The following SLC4A10 variants were observed in gnomAD, a reference collection of about 807,000 sequenced individuals.
SLC4A10 encodes the protein solute carrier family 4 member 10.
In SLC4A10, 42 loss-of-function variants were observed where a neutral mutation model predicts 137.7. That is an observed-to-expected ratio of 0.30 (90% CI 0.24 to 0.39). The LOEUF (loss-of-function observed/expected upper bound fraction) is 0.39, where lower values mean the gene tolerates loss of function less well. Among genes scored for constraint, SLC4A10 ranks in the 10% least tolerant of loss-of-function variants. SLC4A10 has a pLI of 1.00. For missense variants in SLC4A10, 925 were observed against 1,355.0 expected (o/e 0.68, Z 4.98); for synonymous variants, 474 against 464.1 (o/e 1.02, Z -0.27).
At chr2:161,921,347 T>C (rs1233766538) in intron 15 of SLC4A10, among the ~76,000 whole-genome samples, 1 of 152,124 alleles carries the variant, frequency 6.6e-6, no homozygotes, top group Non-Finnish European at 1.5e-5. Flanking sequence ...AAAGTTCTAA[T>C]AAGTTTTATC....
intron 2 of SLC4A10, among the ~76,000 whole-genome samples, chr2:161,794,609 C>G (rs556992222): frequency 1.6e-4 from 24 of 152,172 alleles, no homozygotes; most frequent in African/African-American, 5.8e-4. Context: ...GTAAATTGAT[C>G]AGTTCACATT....
chr2:161,671,253 C>G (rs1165236175), intron 1 of SLC4A10, among the ~76,000 whole-genome samples: 1 of 152,072 alleles, frequency 6.6e-6, no homozygotes, highest in Non-Finnish European at 1.5e-5. Flanking sequence ...TTCATCCCCT[C>G]TAGAGGATGA....
chr2:161,815,798 C>T (rs1175803616), intron 3 of SLC4A10, among the ~76,000 whole-genome samples: 1 of 152,092 alleles, frequency 6.6e-6, no homozygotes, highest in Admixed American at 6.6e-5. Context: ...AAGCTTCTGC[C>T]TCTCAATTTG....
chr2:161,741,638 T>C (rs1188116512), intron 1 of SLC4A10, among the ~76,000 whole-genome samples: 1 of 152,214 alleles, frequency 6.6e-6, no homozygotes, highest in Non-Finnish European at 1.5e-5. Context: ...TTCATCTGTG[T>C]TGTCACAAAT....
intron 13 of SLC4A10, 141 bp downstream of exon 13, chr2:161,904,319 T>C (rs1683822422): frequency 2.3e-6 from 2 of 880,516 alleles, no homozygotes; most frequent in Non-Finnish European, 3.3e-6. Context: ...TATATGAATT[T>C]CCTGGATGGC....
chr2:161,754,902 A>C (rs1307077124), intron 1 of SLC4A10, among the ~76,000 whole-genome samples: 1 of 152,158 alleles, frequency 6.6e-6, no homozygotes, highest in African/African-American at 2.4e-5. Flanking sequence ...TTACAAATGC[A>C]ACTACTACCT....
intron 10 of SLC4A10, among the ~76,000 whole-genome samples, chr2:161,890,571 G>A (rs574272715): frequency 3.9e-5 from 6 of 152,016 alleles, no homozygotes; most frequent in African/African-American, 9.6e-5. Context: ...TTTGATATTC[G>A]TTGGTTTAAA....
intron 1 of SLC4A10, among the ~76,000 whole-genome samples, chr2:161,736,796 G>C (rs2047390423): frequency 6.6e-6 from 1 of 152,032 alleles, no homozygotes; most frequent in East Asian, 1.9e-4. Flanking sequence ...ACAATTGTAA[G>C]AGTTTCTAGT....
chr2:161,679,405 G>A (rs186613092), intron 1 of SLC4A10, among the ~76,000 whole-genome samples: 518 of 152,120 alleles, frequency 3.4e-3, no homozygotes, highest in African/African-American at 0.011. Flanking sequence ...GGATACAAAA[G>A]GTAAAGTGAA....
At chr2:161,954,858 T>G (rs1410950381) in intron 19 of SLC4A10, among the ~76,000 whole-genome samples, 2 of 152,250 alleles carry the variant, frequency 1.3e-5, no homozygotes, top group Non-Finnish European at 2.9e-5. Context: ...ATTTGTATCA[T>G]ATTTTTAAAA....
intron 1 of SLC4A10, among the ~76,000 whole-genome samples, chr2:161,673,717 C>A (rs2039982032): frequency 6.6e-6 from 1 of 152,154 alleles, no homozygotes; most frequent in Non-Finnish European, 1.5e-5. Flanking sequence ...TGGCTGGGCA[C>A]AGTGGCTTTC....
At position 161,947,640 on chromosome 2, in the gene SLC4A10, A is replaced by C. The variant is rs764062542; in HGVS notation, c.2178A>C (p.Leu726=). 1 of 1,613,134 alleles carries C rather than the reference A, an allele frequency of 6.2e-7. No homozygotes were observed. Among genetic ancestry groups the C allele is most frequent in the Admixed American group, 1.7e-5 (1 of 59,930 alleles). Residue 726 remains leucine, a synonymous_variant, in exon 17 of 27, where the codon CTA becomes CTC. Coordinates refer to ENST00000446997, the MANE Select transcript of SLC4A10 (RefSeq NM_001178015.2). ...ATCACCCATATGTTCCAGATGTTCT[A>C]TTTTGGTCTGTGATCCTGTTCTTTT... ...GHDHPYVPDV[L]FWSVILFFST...
intron 1 of SLC4A10, among the ~76,000 whole-genome samples, chr2:161,743,841 G>A (rs1188081909): frequency 6.6e-6 from 1 of 151,926 alleles, no homozygotes; most frequent in African/African-American, 2.4e-5. Context: ...TTTAATTGTA[G>A]AAATCTTTTA....
chr2:161,638,383 G>A (rs2034764620), intron 1 of SLC4A10, among the ~76,000 whole-genome samples: 1 of 151,972 alleles, frequency 6.6e-6, no homozygotes, highest in Admixed American at 6.6e-5. Context: ...TTATTGACAA[G>A]GCTTTTTCCA....
At position 161,858,572 on chromosome 2, in the gene SLC4A10, A is replaced by C. The variant is rs562698059; in HGVS notation, c.577+3442A>C. 5.9e-5 allele frequency among the ~76,000 whole-genome samples: 9 copies of C among 152,256 alleles called. No homozygotes were observed. The East Asian group carries it at 1.5e-3, about 26-fold the overall frequency. On this transcript the variant is annotated intron_variant, in intron 5 of 26. Coordinates refer to ENST00000446997, the MANE Select transcript of SLC4A10 (RefSeq NM_001178015.2). Reference sequence around the variant, plus strand: ...TTCTCCAGATATATCTTCTTACCACAATTTACTCTGATATGGAGATTAATT... The same window carrying C: ...TTCTCCAGATATATCTTCTTACCACCATTTACTCTGATATGGAGATTAATT...
At chr2:161,778,864 T>A (rs2052687488) in intron 2 of SLC4A10, among the ~76,000 whole-genome samples, 1 of 152,014 alleles carries the variant, frequency 6.6e-6, no homozygotes, top group Non-Finnish European at 1.5e-5. Flanking sequence ...ATTCTTTTAC[T>A]CCTTGCATTT....
intron 9 of SLC4A10, among the ~76,000 whole-genome samples, chr2:161,880,342 C>G (rs1442203345): frequency 6.6e-6 from 1 of 152,072 alleles, no homozygotes; most frequent in Non-Finnish European, 1.5e-5. Context: ...GGCCTTAACT[C>G]AAAATATAGC....
intron 1 of SLC4A10, among the ~76,000 whole-genome samples, chr2:161,654,463 C>T (rs896182443): frequency 6.6e-6 from 1 of 152,092 alleles, no homozygotes; most frequent in African/African-American, 2.4e-5. Context: ...TTGTCAAGAC[C>T]AGTGTCATGA....
At chr2:161,627,132 A>G (rs1345692398) in intron 1 of SLC4A10, among the ~76,000 whole-genome samples, 1 of 152,140 alleles carries the variant, frequency 6.6e-6, no homozygotes, top group Non-Finnish European at 1.5e-5. Flanking sequence ...TAAGTGTTCA[A>G]TAAAACTTGC....
Sources: allele counts gnomAD v4.1 joint callset (sites outside exome capture counted in the v4.1 genomes callset), GRCh38; gene constraint gnomAD v4.1.1; transcripts MANE v1.5; gene names NCBI Gene and HGNC (gene_info 2026-07-23, HGNC 2026-07-21).